The following ABHD12 variants were observed in gnomAD, a reference collection of about 807,000 sequenced individuals.
ABHD12 encodes the protein abhydrolase domain containing 12, lysophospholipase.
A neutral mutation model predicts 58.3 loss-of-function variants in ABHD12; 43 were observed. The ratio of observed to expected loss-of-function variants is 0.74; its 90% CI spans 0.58 to 0.95. The LOEUF is 0.95. Ranked by LOEUF, ABHD12 falls within the 40% of genes least tolerant of loss-of-function variation. ABHD12 has a pLI of 0.00. For missense variants in ABHD12, 539 were observed against 537.2 expected (o/e 1.00, Z -0.03); for synonymous variants, 219 against 211.2 (o/e 1.04, Z -0.32).
chr20:25,348,008 A>C (rs556435056), intron 1 of ABHD12, among the ~76,000 whole-genome samples: 1 of 152,040 alleles, frequency 6.6e-6, no homozygotes, highest in African/African-American at 2.4e-5. Context: ...TCAGGAGATC[A>C]AGATCATCCT....
At chr20:25,343,098 A>C (rs1669950189) in intron 1 of ABHD12, among the ~76,000 whole-genome samples, 1 of 152,196 alleles carries the variant, frequency 6.6e-6, no homozygotes, top group African/African-American at 2.4e-5. Context: ...CCTGGCCTAA[A>C]GTATTTTTAA....
intron 1 of ABHD12, among the ~76,000 whole-genome samples, chr20:25,381,918 A>G (rs147520699): frequency 0.035 from 5,261 of 152,204 alleles, 266 homozygotes; most frequent in African/African-American, 0.12. Flanking sequence ...TCGGCCTCCC[A>G]AAGTGCTGGG....
At chr20:25,319,393 C>T (rs1024156044) in intron 4 of ABHD12, among the ~76,000 whole-genome samples, 1 of 152,212 alleles carries the variant, frequency 6.6e-6, no homozygotes, top group African/African-American at 2.4e-5. Flanking sequence ...GCATGAACTT[C>T]AGCAACAGCC....
chr20:25,300,810 G>C lies in ABHD12; in HGVS notation c.*35C>G. ...CTGACTGGAGGAAAACGGGAGGAGGGCAGAGGTCTTCATGCTTCCTTCCCA... is the reference window on the plus strand; with the variant it reads ...CTGACTGGAGGAAAACGGGAGGAGGCCAGAGGTCTTCATGCTTCCTTCCCA... On this transcript the variant is annotated 3_prime_UTR_variant, in exon 13 of 13. Coordinates refer to ENST00000339157, the MANE Select transcript of ABHD12 (RefSeq NM_001042472.3). 6.2e-7 allele frequency: 1 copy of C among 1,613,978 alleles called. No individual in the cohort carries two copies. Among genetic ancestry groups the C allele is most frequent in the Non-Finnish European group, 8.5e-7 (1 of 1,179,968 alleles).
chr20:25,383,878 CT>C (rs1392317627), intron 1 of ABHD12, among the ~76,000 whole-genome samples: 1 of 147,874 alleles, frequency 6.8e-6, no homozygotes, highest in Non-Finnish European at 1.5e-5. Context: ...TCACTTGAAC[CT>C]GGCACACGGA....
At position 25,300,659 on chromosome 20, in the gene ABHD12, C is replaced by T; in HGVS notation, c.*186G>A. 1 of 1,501,854 alleles carries T rather than the reference C, an allele frequency of 6.7e-7. No individual in the cohort carries two copies. The highest frequency in any genetic ancestry group is 2.1e-5 in the Admixed American group (1 of 48,350). The allele number at this position is 1,501,854 out of a possible 1,614,324, so 93.0% of individuals were successfully genotyped here. A position where few individuals can be genotyped will look rare whatever the true frequency, so the allele number is the denominator to read the frequency against. ...CCCACGCTTTCCACACAGCCATGCT[C>T]AGGCCTCCGGGCACTGCAGGCCTGC... On this transcript the variant is annotated 3_prime_UTR_variant, in exon 13 of 13. Transcript: ENST00000339157.
rs2090161440 is a variant in ABHD12 at position 25,390,565 on chromosome 20, C to T, written c.139G>A (p.Ala47Thr). The stretch of plus-strand genomic sequence containing the variant: ...TCGGCTGCGCAGCGCGGCTCAGCCG[C>T]CGCCGGGCCCGTCAGGCGTAGGTTC... ...KQNLRLTGPA[A>T]AEPRCAADAG... The change falls in exon 1 of 13, where the codon GCG (alanine) becomes ACG (threonine). Residue 47 changes from alanine (A) to threonine (T), a missense_variant. Coordinates refer to ENST00000339157, the MANE Select transcript of ABHD12 (RefSeq NM_001042472.3). The T allele has an allele frequency of 1.4e-6, 2 of 1,479,574 alleles. 1 individual carries two copies. The highest frequency in any genetic ancestry group is 4.5e-5 in the Admixed American group (2 of 44,376). The allele number at this position is 1,479,574 out of a possible 1,614,324, so 91.7% of individuals were successfully genotyped here. A position where few individuals can be genotyped will look rare whatever the true frequency, so the allele number is the denominator to read the frequency against.
chr20:25,385,355 A>AAAAG (rs1209752047), intron 1 of ABHD12, among the ~76,000 whole-genome samples: 1 of 136,088 alleles, frequency 7.3e-6, no homozygotes, highest in African/African-American at 2.7e-5. Context: ...AAAAAAAAAA[A>AAAAG]GAGGAAAACG....
intron 6 of ABHD12, among the ~76,000 whole-genome samples, chr20:25,313,096 CATT>C (rs528083131): frequency 2.7e-3 from 406 of 152,390 alleles, no homozygotes; most frequent in African/African-American, 9.4e-3. Flanking sequence ...CCCAACAGCT[CATT>C]GAGAACGGGC....
intron 2 of ABHD12, among the ~76,000 whole-genome samples, chr20:25,330,858 T>A (rs561340395): frequency 6.6e-6 from 1 of 151,254 alleles, no homozygotes; most frequent in African/African-American, 2.4e-5. Flanking sequence ...ACCACAAAGA[T>A]GGGGAAAAAA....
At chr20:25,347,775 C>T (rs2089539418) in intron 1 of ABHD12, among the ~76,000 whole-genome samples, 1 of 151,932 alleles carries the variant, frequency 6.6e-6, no homozygotes, top group South Asian at 2.1e-4. Flanking sequence ...TAAATCTCTT[C>T]AGCAAGTCTG....
At chr20:25,362,153 GC>G (rs1218122114) in intron 1 of ABHD12, among the ~76,000 whole-genome samples, 1 of 152,056 alleles carries the variant, frequency 6.6e-6, no homozygotes, top group Non-Finnish European at 1.5e-5. Flanking sequence ...GGTGGCACAT[GC>G]CTGTAATTCC....
chr20:25,368,680 G>C (rs2089858079), intron 1 of ABHD12: 3 of 1,368,892 alleles, frequency 2.2e-6, no homozygotes, highest in Non-Finnish European at 3.1e-6. Context: ...TGCTGTCTTT[G>C]GAATCTTGTC....
chr20:25,390,470 G>C lies in ABHD12; in HGVS notation c.191+43C>G, dbSNP rs1264754280. 3 of 1,292,862 alleles carry C rather than the reference G, an allele frequency of 2.3e-6. 1 individual carries two copies. Among genetic ancestry groups the C allele is most frequent in the African/African-American group, 4.3e-5 (2 of 46,536 alleles). 80.1% of individuals were successfully genotyped at this position (1,292,862 alleles called of 1,614,324 possible). On this transcript the variant is annotated intron_variant, in intron 1 of 12. Coordinates refer to ENST00000339157, the MANE Select transcript of ABHD12 (RefSeq NM_001042472.3). ...TGCGGGACGCACCTGCGCAAAGTGAGGGACCGGCCCCCCCCCCCCCCCCGC... is the reference window on the plus strand; with the variant it reads ...TGCGGGACGCACCTGCGCAAAGTGACGGACCGGCCCCCCCCCCCCCCCCGC...
At chr20:25,327,061 C>T (rs2089188520) in intron 2 of ABHD12, among the ~76,000 whole-genome samples, 1 of 152,192 alleles carries the variant, frequency 6.6e-6, no homozygotes, top group African/African-American at 2.4e-5. Flanking sequence ...ATTCCTTTCA[C>T]CTTGGGGTAA....
chr20:25,301,523 C>T (rs1331183901), intron 12 of ABHD12, among the ~76,000 whole-genome samples: 1 of 152,250 alleles, frequency 6.6e-6, no homozygotes, highest in Non-Finnish European at 1.5e-5. Flanking sequence ...GGCTCAGAAG[C>T]CTTGTCCCAT....
chr20:25,298,230 G>T (rs1376081290), downstream of ABHD12, among the ~76,000 whole-genome samples: 5 of 152,032 alleles, frequency 3.3e-5, no homozygotes, highest in African/African-American at 1.2e-4. Context: ...TCCACTAGGT[G>T]TGGAACCCGG....
At chr20:25,360,321 A>G (rs558812642) in intron 1 of ABHD12, among the ~76,000 whole-genome samples, 1 of 134,012 alleles carries the variant, frequency 7.5e-6, no homozygotes, top group African/African-American at 2.9e-5. Context: ...GCTCACTGCA[A>G]CTTCCGCCTC....
intron 11 of ABHD12, chr20:25,303,324 G>C: frequency 6.3e-6 from 9 of 1,429,710 alleles, no homozygotes; most frequent in Non-Finnish European, 8.3e-6. Context: ...AGCATCAGTG[G>C]GCCCCTGCCC....
Sources: gnomAD v4.1 joint callset for allele counts (sites outside exome capture counted in the v4.1 genomes callset) on GRCh38, gnomAD v4.1.1 for gene constraint, MANE v1.5 for transcripts, NCBI Gene and HGNC (gene_info 2026-07-23, HGNC 2026-07-21) for gene names.